The following PLXNB2 variants were observed in gnomAD, a reference collection of about 807,000 sequenced individuals.
PLXNB2 encodes the protein plexin-B2.
In PLXNB2, 85 loss-of-function variants were observed where a neutral mutation model predicts 202.6. The ratio of observed to expected loss-of-function variants is 0.42; its 90% CI spans 0.35 to 0.50. The LOEUF (loss-of-function observed/expected upper bound fraction) is 0.50, where lower values mean the gene tolerates loss of function less well. PLXNB2 is among the 20% of genes least tolerant of loss of function. The probability of loss-of-function intolerance (pLI) is 0.02; values close to 1 mark genes in which losing one functional copy is unlikely to be tolerated. For missense variants in PLXNB2, 2,063 were observed against 2,586.2 expected, an observed-to-expected ratio of 0.80 and a Z score of 4.39; for synonymous variants, 1,239 against 1,137.6, an observed-to-expected ratio of 1.09 and a Z score of -1.79.
chr22:50,305,810 G>A (rs927653848), intron 1 of PLXNB2, among the ~76,000 whole-genome samples: 3 of 152,174 alleles, frequency 2.0e-5, no homozygotes, highest in African/African-American at 7.2e-5. Flanking sequence ...GTCCCTGGGT[G>A]GGGCGAGGGG....
intron 1 of PLXNB2, among the ~76,000 whole-genome samples, chr22:50,303,314 C>A (rs1441798298): frequency 1.3e-5 from 2 of 152,234 alleles, no homozygotes; most frequent in Non-Finnish European, 2.9e-5. Flanking sequence ...CTTCAGCACC[C>A]CACTTTGGAC....
chr22:50,301,487 G>A, intron 1 of PLXNB2: 14 of 711,190 alleles, frequency 2.0e-5, no homozygotes, highest in Non-Finnish European at 2.2e-5. Flanking sequence ...GGCGGCCACG[G>A]AGGGACTCTC....
In PLXNB2 at chr22:50,283,985, G is replaced by C. The variant is rs1438903009; in HGVS notation, c.2269C>G (p.Leu757Val). 5.2e-6 allele frequency: 8 copies of C among 1,540,306 alleles called. No homozygotes were observed. Among genetic ancestry groups the C allele is most frequent in the South Asian group, 1.2e-5 (1 of 84,122 alleles). Residue 757 changes from leucine (L) to valine (V), a missense_variant, in exon 14 of 37, where the codon CTC (leucine) becomes GTC (valine). Leu to Val is a conservative substitution (Grantham distance 32). Coordinates refer to ENST00000359337, the MANE Select transcript of PLXNB2 (RefSeq NM_012401.4). ...KNIDSKLHVT[L>V]YNCSFGRSDC... is the part of the protein sequence containing the mutation. ...CTGCGGCCAAAGGAGCAGTTGTAGA[G>C]GGTCACTGCGGGGAGAGCTGCCGTC...
chr22:50,287,728 T>C lies in PLXNB2; in HGVS notation c.1547A>G (p.Lys516Arg), dbSNP rs774637101. 2.5e-6 allele frequency: 4 copies of C among 1,575,934 alleles called. No individual in the cohort carries two copies. The highest frequency in any genetic ancestry group is 3.4e-6 in the Non-Finnish European group (4 of 1,166,208). ...EASHWLWSRS[K>R]SCVAVTSAQP... ...GGCGCTGGTGACGGCCACGCAGGAC[T>C]TGCTTCGGCTCCACAGCCAGTGGCT... The change falls in exon 7 of 37, where the codon AAG (lysine) becomes AGG (arginine). Residue 516 changes from lysine to arginine, a missense_variant. Physicochemically the swap from Lys to Arg is conservative, Grantham distance 26. Coordinates refer to ENST00000359337, the MANE Select transcript of PLXNB2 (RefSeq NM_012401.4).
At chr22:50,296,588 CTCAAAA>C (rs1191044952) in intron 1 of PLXNB2, among the ~76,000 whole-genome samples, 3 of 76,264 alleles carry the variant, frequency 3.9e-5, no homozygotes, top group African/African-American at 2.1e-4. Flanking sequence ...AAGACTCTGT[CTCAAAA>C]AAAAAAAAAA....
intron 1 of PLXNB2, chr22:50,301,313 C>T (rs1601778443): frequency 1.1e-5 from 9 of 811,300 alleles, no homozygotes; most frequent in Middle Eastern, 6.2e-4. Context: ...CGTGGTCCTT[C>T]GGGTCAGAAA....
Position 50,279,654 on chromosome 22 carries a change from C to T in PLXNB2, c.4365G>A (p.Gly1455=). 6.2e-7 allele frequency: 1 copy of T among 1,613,940 alleles called. No homozygotes were observed. The highest frequency in any genetic ancestry group is 8.5e-7 in the Non-Finnish European group (1 of 1,179,984). The change falls in exon 27 of 37, where the codon GGG becomes GGA. Residue 1455 remains glycine (G), a synonymous_variant. Coordinates refer to ENST00000359337, the MANE Select transcript of PLXNB2 (RefSeq NM_012401.4). ...KYTLNDTGLL[G]DDVEYAPLTV... is the part of the protein sequence containing the mutation. The stretch of plus-strand genomic sequence containing the variant: ...CCAGGGGTGCGTACTCCACATCATC[C>T]CCCAGCAGCCCCGTGTCGTTGAGAG...
At chr22:50,294,152 G>A (rs2067092076) in intron 2 of PLXNB2, among the ~76,000 whole-genome samples, 1 of 152,258 alleles carries the variant, frequency 6.6e-6, no homozygotes, top group Admixed American at 6.5e-5. Flanking sequence ...AGGAGGGAGG[G>A]CGGGCAGCAG....
intron 1 of PLXNB2, among the ~76,000 whole-genome samples, chr22:50,296,035 G>A (rs894892651): frequency 6.6e-6 from 1 of 152,080 alleles, no homozygotes; most frequent in Admixed American, 6.5e-5. Context: ...CTGGGAGGTG[G>A]AGGTTGCAGT....
intron 1 of PLXNB2, among the ~76,000 whole-genome samples, chr22:50,298,506 G>T (rs542595056): frequency 2.0e-5 from 3 of 152,246 alleles, no homozygotes; most frequent in East Asian, 3.8e-4. Flanking sequence ...GGCCAAGAGT[G>T]GGGGCTGCCA....
chr22:50,280,969 C>A lies in PLXNB2; in HGVS notation c.3768G>T (p.Leu1256=). 6.2e-7 allele frequency: 1 copy of A among 1,613,056 alleles called. No homozygotes were observed. Among genetic ancestry groups the A allele is most frequent in the South Asian group, 1.1e-5 (1 of 91,080 alleles). Residue 1256 remains leucine, a synonymous_variant, in exon 24 of 37, where the codon CTG becomes CTT. Transcript: ENST00000359337. ...TGGTCTGGTCCTCCATCTCGATCATCAGGTCTGGGGGGAGGCTGGCGTGAG... is the reference window on the plus strand; with the variant it reads ...TGGTCTGGTCCTCCATCTCGATCATAAGGTCTGGGGGGAGGCTGGCGTGAG... ...RDRCKKEFTD[L]MIEMEDQTND...
chr22:50,304,763 G>A (rs2067827886), intron 1 of PLXNB2, among the ~76,000 whole-genome samples: 1 of 151,602 alleles, frequency 6.6e-6, no homozygotes, highest in Non-Finnish European at 1.5e-5. Flanking sequence ...CTACCCCTGA[G>A]GGAGGGAGGG....
chr22:50,293,212 G>A (rs756373165), intron 2 of PLXNB2, among the ~76,000 whole-genome samples: 1 of 152,208 alleles, frequency 6.6e-6, no homozygotes, highest in African/African-American at 2.4e-5. Context: ...CTCAGCCAGG[G>A]TCCCCCGCTG....
chr22:50,287,700 C>G lies in PLXNB2; in HGVS notation c.1575G>C (p.Gln525His). Residue 525 changes from glutamine to histidine, a missense_variant, in exon 7 of 37, where the codon CAG becomes CAC. This residue lies in a region of PLXNB2 where 1,303 missense variants were observed against 1,476.8 expected (regional missense o/e 0.88). Transcript: ENST00000359337. ...GGGCCCGCCGGCTCATGTTCTGTGGCTGGGCGCTGGTGACGGCCACGCAGG... is the reference window on the plus strand; with the variant it reads ...GGGCCCGCCGGCTCATGTTCTGTGGGTGGGCGCTGGTGACGGCCACGCAGG... ...SKSCVAVTSA[Q>H]PQNMSRRAQG... The G allele has an allele frequency of 6.4e-7, 1 of 1,557,654 alleles. No homozygotes were observed. The highest frequency in any genetic ancestry group is 8.7e-7 in the Non-Finnish European group (1 of 1,156,030).
chr22:50,302,334 G>A (rs1007086706), intron 1 of PLXNB2, among the ~76,000 whole-genome samples: 2 of 152,238 alleles, frequency 1.3e-5, no homozygotes, highest in East Asian at 3.8e-4. Flanking sequence ...ATCTCAGAGT[G>A]GGGGCAGGAC....
intron 18 of PLXNB2, 75 bp downstream of exon 18, chr22:50,282,636 G>A (rs971169206): frequency 2.1e-5 from 24 of 1,127,894 alleles, no homozygotes; most frequent in East Asian, 7.7e-5. Flanking sequence ...ATTCCTTTCA[G>A]CACAGTCAGC....
chr22:50,293,526 C>T (rs1005606814), intron 2 of PLXNB2, among the ~76,000 whole-genome samples: 5 of 152,092 alleles, frequency 3.3e-5, no homozygotes, highest in South Asian at 2.1e-4. Flanking sequence ...CGGCCCAGCT[C>T]GCTCACCCGG....
At chr22:50,276,241 C>T (rs1209010390) in intron 35 of PLXNB2, among the ~76,000 whole-genome samples, 2 of 87,894 alleles carry the variant, frequency 2.3e-5, no homozygotes, top group East Asian at 3.1e-4. Context: ...TGGGTGGAGC[C>T]GCAGGGAGGG....
intron 35 of PLXNB2, 42 bp downstream of exon 35, chr22:50,276,587 G>A (rs778215017): frequency 5.0e-5 from 74 of 1,488,330 alleles, no homozygotes; most frequent in Non-Finnish European, 6.4e-5. Context: ...GGGGTAGTGG[G>A]AGCGGGGAGG....
Sources: allele counts gnomAD v4.1 joint callset (sites outside exome capture counted in the v4.1 genomes callset), GRCh38; gene constraint gnomAD v4.1.1; regional missense constraint gnomAD v4.1.1; transcripts MANE v1.5; gene names NCBI Gene and HGNC (gene_info 2026-07-23, HGNC 2026-07-21).